Variants in STAMBPL1 observed in about 807,000 individuals in gnomAD.
STAMBPL1 encodes the protein STAM binding protein like 1.
Under a neutral mutation model 52.9 loss-of-function variants are expected in STAMBPL1, and 44 were observed. The ratio of observed to expected loss-of-function variants is 0.83; its 90% CI spans 0.65 to 1.07. The LOEUF is 1.07. STAMBPL1 is among the 50% of genes least tolerant of loss of function. The probability of loss-of-function intolerance (pLI) is 0.00; values close to 1 mark genes in which losing one functional copy is unlikely to be tolerated. For missense variants in STAMBPL1, 511 were observed against 520.8 expected (o/e 0.98, Z 0.18); for synonymous variants, 164 against 177.3 (o/e 0.92, Z 0.60).
chr10:88,908,583 G>A (rs1367313515), intron 3 of STAMBPL1, 119 bp from the exon 4 acceptor site: 2 of 795,010 alleles, frequency 2.5e-6, no homozygotes, highest in Non-Finnish European at 4.0e-6. Context: ...AAGACTGAAG[G>A]TAAATGAATA....
Position 88,913,252 on chromosome 10 carries a change from G to A in STAMBPL1, c.572G>A (p.Arg191Gln), listed in dbSNP as rs752180711. The stretch of plus-strand genomic sequence containing the variant: ...CAACTCAAGAAGCAAGAGTTAGCCC[G>A]AGGTCAAATGCGAAGTCAGCAAACC... Reference protein sequence around the residue: ...EDQLKKQELARGQMRSQQTSG... With the variant: ...EDQLKKQELAQGQMRSQQTSG... Residue 191 changes from arginine (R) to glutamine (Q), a missense_variant, in exon 6 of 11, where the codon CGA becomes CAA. Around this residue, in one of 3 missense-constraint regions of STAMBPL1, gnomAD observed 358 missense variants for 343.5 expected, o/e 1.04. Coordinates refer to ENST00000371926, the MANE Select transcript of STAMBPL1 (RefSeq NM_020799.4). 4 of 1,613,866 alleles carry A rather than the reference G, an allele frequency of 2.5e-6. No homozygotes were observed. The highest frequency in any genetic ancestry group is 1.3e-5 in the African/African-American group (1 of 75,024).
chr10:88,906,094 G>T (rs2082084685), intron 3 of STAMBPL1, among the ~76,000 whole-genome samples: 1 of 152,212 alleles, frequency 6.6e-6, no homozygotes, highest in Non-Finnish European at 1.5e-5. Flanking sequence ...TAGGGGACAA[G>T]TTGGGAGACA....
intron 4 of STAMBPL1, 146 bp from the exon 5 acceptor site, chr10:88,910,770 A>G: frequency 1.9e-6 from 1 of 519,916 alleles, no homozygotes; most frequent in South Asian, 2.7e-5. Context: ...GACCCATAAA[A>G]AAGAGATTTA....
In STAMBPL1 at chr10:88,914,486, G is replaced by A. The variant is rs76371936; in HGVS notation, c.779-48G>A. 2.3e-3 allele frequency: 3,180 copies of A among 1,381,706 alleles called. 73 individuals carry two copies. In the African/African-American group the frequency reaches 0.042, roughly 18 times the overall value. The allele number at this position is 1,381,706 out of a possible 1,614,324, so 85.6% of individuals were successfully genotyped here. The stretch of plus-strand genomic sequence containing the variant: ...TTGCCAATAACAATTTTGAAAGATG[G>A]GACATATAGTTTGTTTTTTAGCCTT... On this transcript the variant is annotated intron_variant, in intron 6 of 10. Transcript: ENST00000371926.
At position 88,918,148 on chromosome 10, in the gene STAMBPL1, C is replaced by T. The variant is rs149483747; in HGVS notation, c.1041+1331C>T. Among the ~76,000 whole-genome samples the T allele has an allele frequency of 2.1e-3, 314 of 152,174 alleles. 4 individuals carry two copies. The highest frequency in any genetic ancestry group is 7.3e-3 in the African/African-American group (305 of 41,518). ...CCATAGCATGTTAGGATAAGCCATC[C>T]CACTGAGATGGGATACTGGCCAAGA... On this transcript the variant is annotated intron_variant, in intron 8 of 10. Coordinates refer to ENST00000371926, the MANE Select transcript of STAMBPL1 (RefSeq NM_020799.4).
In STAMBPL1 at chr10:88,908,711, A is replaced by G; in HGVS notation, c.258A>G (p.Val86=). 1.2e-6 allele frequency: 2 copies of G among 1,610,014 alleles called. No homozygotes were observed. Among genetic ancestry groups the G allele is most frequent in the African/African-American group, 2.7e-5 (2 of 74,744 alleles). ...VLYNKFITLF[V]EKLPNHRDYQ... is the part of the protein sequence containing the mutation. ...GTTTTCTCTTCCTTAGCTTATTTGT[A>G]GAAAAGCTTCCTAACCATCGAGATT... Residue 86 remains valine (V), a synonymous_variant, in exon 4 of 11, where the codon GTA becomes GTG. Transcript: ENST00000371926.
chr10:88,905,585 T>C lies in STAMBPL1; in HGVS notation c.173T>C (p.Met58Thr). Residue 58 changes from methionine (M) to threonine (T), a missense_variant, in exon 3 of 11, where the codon ATG becomes ACG. By Grantham distance (81) the Met-to-Thr change is moderately conservative. Transcript: ENST00000371926. ...PRRYFRSGVEMERMASVYLEE... is the reference protein window; with the variant it reads ...PRRYFRSGVETERMASVYLEE... ...CGTTACTTTAGGTCTGGAGTAGAGA[T>C]GGAGAGGATGGCGTCTGTGTATTTG... The C allele has an allele frequency of 6.2e-7, 1 of 1,613,992 alleles. No individual in the cohort carries two copies. Among genetic ancestry groups the C allele is most frequent in the South Asian group, 1.1e-5 (1 of 91,084 alleles).
rs1035660434 is a variant in STAMBPL1 at position 88,905,780 on chromosome 10, G to T, written c.248+120G>T. On this transcript the variant is annotated intron_variant, in intron 3 of 10. Coordinates refer to ENST00000371926, the MANE Select transcript of STAMBPL1 (RefSeq NM_020799.4). Reference sequence around the variant, plus strand: ...ATTCAGACCAATTGCACAGTCTCTAGGAGCATTAAATGTTCAAGTTTTTAA... The same window carrying T: ...ATTCAGACCAATTGCACAGTCTCTATGAGCATTAAATGTTCAAGTTTTTAA... 8.0e-6 allele frequency: 6 copies of T among 752,178 alleles called. No homozygotes were observed. In the African/African-American group the frequency reaches 1.1e-4, roughly 13 times the overall value. The allele number at this position is 752,178 out of a possible 1,614,324, so 46.6% of individuals were successfully genotyped here.
intron 6 of STAMBPL1, among the ~76,000 whole-genome samples, chr10:88,914,014 C>T (rs547771760): frequency 5.3e-5 from 8 of 152,284 alleles, no homozygotes; most frequent in South Asian, 2.1e-4. Context: ...AATTCTTCTT[C>T]GCAGACACTG....
At chr10:88,899,509 T>C (rs2133158153) in intron 1 of STAMBPL1, among the ~76,000 whole-genome samples, 1 of 152,328 alleles carries the variant, frequency 6.6e-6, no homozygotes, top group East Asian at 1.9e-4. Flanking sequence ...TAATTCTACT[T>C]TTTAAATATT....
intron 1 of STAMBPL1, among the ~76,000 whole-genome samples, chr10:88,888,672 T>G (rs997644173): frequency 2.0e-5 from 3 of 152,132 alleles, no homozygotes; most frequent in African/African-American, 7.2e-5. Flanking sequence ...TACCTTAATA[T>G]TGTGAGGCAA....
At chr10:88,914,681 T>A (rs1564632936) in intron 7 of STAMBPL1, 23 bp downstream of exon 7, 10 of 948,256 alleles carry the variant, frequency 1.1e-5, no homozygotes, top group Non-Finnish European at 1.4e-5. Context: ...TATATAAATA[T>A]ATATATATAT....
Position 88,916,809 on chromosome 10 carries a change from T to C in STAMBPL1, c.1033T>C (p.Trp345Arg). 4 of 1,593,828 alleles carry C rather than the reference T, an allele frequency of 2.5e-6. No individual in the cohort carries two copies. The highest frequency in any genetic ancestry group is 3.4e-6 in the Non-Finnish European group (4 of 1,170,540). Residue 345 changes from tryptophan (W) to arginine (R), a missense_variant, in exon 8 of 11, where the codon TGG becomes CGG. Trp to Arg is a moderately radical substitution (Grantham distance 101). Around this residue, in one of 3 missense-constraint regions of STAMBPL1, gnomAD observed 137 missense variants for 139.9 expected, o/e 0.98. Coordinates refer to ENST00000371926, the MANE Select transcript of STAMBPL1 (RefSeq NM_020799.4). ...QDQHDLLTLG[W>R]IHTHPTQTAF... Reference sequence around the variant, plus strand: ...TCAACATGATCTCCTCACTCTAGGATGGATCCATGTACGTTTGACCTTTTG... The same window carrying C: ...TCAACATGATCTCCTCACTCTAGGACGGATCCATGTACGTTTGACCTTTTG...
At chr10:88,896,522 A>G (rs1355380201) in intron 1 of STAMBPL1, among the ~76,000 whole-genome samples, 2 of 152,186 alleles carry the variant, frequency 1.3e-5, no homozygotes, top group African/African-American at 4.8e-5. Context: ...CTTCCTGGAA[A>G]ACATGACCAC....
intron 1 of STAMBPL1, among the ~76,000 whole-genome samples, chr10:88,889,795 C>A (rs1046351823): frequency 1.3e-5 from 2 of 152,176 alleles, no homozygotes; most frequent in African/African-American, 4.8e-5. Context: ...ATCTACAGAT[C>A]TTATTCAAAT....
At chr10:88,885,115 G>A (rs763422114) in intron 1 of STAMBPL1, among the ~76,000 whole-genome samples, 4 of 152,190 alleles carry the variant, frequency 2.6e-5, no homozygotes, top group Non-Finnish European at 5.9e-5. Context: ...GAATTGCTCA[G>A]CATCATAGGC....
intron 7 of STAMBPL1, 84 bp from the exon 8 acceptor site, chr10:88,916,596 T>C (rs982225473): frequency 3.5e-6 from 5 of 1,410,592 alleles, no homozygotes; most frequent in East Asian, 2.6e-5. Context: ...GGGGACTCTT[T>C]AGTCTTAAAC....
rs183193337 is a variant in STAMBPL1, at chr10:88,889,693, C to G, written c.-54+9055C>G. 1.3e-3 allele frequency among the ~76,000 whole-genome samples: 195 copies of G among 152,206 alleles called. 1 individual carries two copies. Among genetic ancestry groups the G allele is most frequent in the Middle Eastern group, 0.01 (3 of 294 alleles). ...AACAGTACACAAAGTTTTTATACAA[C>G]CTTTACCCTGATTCCTCAAATATTA... On this transcript the variant is annotated intron_variant, in intron 1 of 10. Transcript: ENST00000371926.
Position 88,889,204 on chromosome 10 carries a change from T to G in STAMBPL1, c.-54+8566T>G, listed in dbSNP as rs185866178. The stretch of plus-strand genomic sequence containing the variant: ...ATGGCTATTTATTTTAAAACCATGC[T>G]GCAGTGTGTGTGTATATATTAAATG... On this transcript the variant is annotated intron_variant, in intron 1 of 10. Transcript: ENST00000371926. Among the ~76,000 whole-genome samples, 274 of 152,332 alleles carry G rather than the reference T, an allele frequency of 1.8e-3. 1 individual carries two copies. The highest frequency in any genetic ancestry group is 6.3e-3 in the African/African-American group (262 of 41,582).
Sources: allele counts gnomAD v4.1 joint callset (sites outside exome capture counted in the v4.1 genomes callset), GRCh38; gene constraint gnomAD v4.1.1; regional missense constraint gnomAD v4.1.1; transcripts MANE v1.5; gene names NCBI Gene and HGNC (gene_info 2026-07-23, HGNC 2026-07-21).